The following ADARB2 variants were observed in gnomAD, a reference collection of about 807,000 sequenced individuals.
ADARB2 encodes the protein adenosine deaminase RNA specific B2 (inactive).
A neutral mutation model predicts 62.2 loss-of-function variants in ADARB2; 25 were observed. The ratio of observed to expected loss-of-function variants is 0.40; its 90% CI spans 0.29 to 0.56. ADARB2 has a LOEUF of 0.56. ADARB2 is among the 20% of genes least tolerant of loss of function. The pLI is 0.43. For missense variants in ADARB2, 1,071 were observed against 1,077.4 expected, an observed-to-expected ratio of 0.99 and a Z score of 0.08; for synonymous variants, 572 against 500.8, an observed-to-expected ratio of 1.14 and a Z score of -1.90.
Position 1,288,273 on chromosome 10 carries a change from C to A in ADARB2, c.1078-17204G>T, listed in dbSNP as rs144114095. On this transcript the variant is annotated intron_variant, in intron 3 of 9. Transcript: ENST00000381312. Reference sequence around the variant, plus strand: ...TGCAAGGCACTGATGAAATACAGGGCAAAATAAGACAAGGTCCTCTACATA... The same window carrying A: ...TGCAAGGCACTGATGAAATACAGGGAAAAATAAGACAAGGTCCTCTACATA... Among the ~76,000 whole-genome samples, 272 of 152,306 alleles carry A rather than the reference C, an allele frequency of 1.8e-3. 1 individual carries two copies. The highest frequency in any genetic ancestry group is 5.9e-3 in the African/African-American group (244 of 41,568).
At chr10:1,265,917 C>T (rs1406839654) in intron 4 of ADARB2, among the ~76,000 whole-genome samples, 4 of 113,288 alleles carry the variant, frequency 3.5e-5, no homozygotes, top group African/African-American at 1.0e-4. Context: ...ACGGCCTGAG[C>T]CAGGTCCACG....
At chr10:1,653,576 C>T (rs775758347) in intron 1 of ADARB2, among the ~76,000 whole-genome samples, 83 of 141,694 alleles carry the variant, frequency 5.9e-4, no homozygotes, top group African/African-American at 2.1e-3. Flanking sequence ...CCCCACGCCT[C>T]ATGTGCCTGC....
intron 1 of ADARB2, among the ~76,000 whole-genome samples, chr10:1,463,427 G>A (rs1831203894): frequency 1.3e-5 from 2 of 152,208 alleles, no homozygotes; most frequent in African/African-American, 4.8e-5. Flanking sequence ...TGCAGATGCA[G>A]ACACGGGTAG....
intron 1 of ADARB2, among the ~76,000 whole-genome samples, chr10:1,548,653 G>A (rs553480230): frequency 1.2e-4 from 18 of 152,344 alleles, no homozygotes; most frequent in Middle Eastern, 3.4e-3. Flanking sequence ...GTGAATTGCC[G>A]TCCAGTAAGT....
At chr10:1,609,739 C>G (rs1457031952) in intron 1 of ADARB2, among the ~76,000 whole-genome samples, 1 of 152,248 alleles carries the variant, frequency 6.6e-6, no homozygotes, top group East Asian at 1.9e-4. Context: ...AACCCACACA[C>G]TGGGCTCTAC....
At chr10:1,288,917 T>C (rs1831438669) in intron 3 of ADARB2, among the ~76,000 whole-genome samples, 1 of 152,224 alleles carries the variant, frequency 6.6e-6, no homozygotes, top group African/African-American at 2.4e-5. Context: ...TGGACCCCTC[T>C]TCTCAGCCAA....
chr10:1,538,622 G>T (rs1003130567), intron 1 of ADARB2, among the ~76,000 whole-genome samples: 4 of 152,218 alleles, frequency 2.6e-5, no homozygotes, highest in African/African-American at 9.6e-5. Context: ...TGGGCATCAC[G>T]TGGTGGACGG....
At chr10:1,581,826 ATGTGTGTG>A (rs56180704) in intron 1 of ADARB2, among the ~76,000 whole-genome samples, 65,264 of 147,874 alleles carry the variant, frequency 0.44, 14,750 homozygotes, top group East Asian at 0.61. Context: ...TTAGAAATAG[ATGTGTGTG>A]TGTGTGTGTG....
chr10:1,479,304 T>C (rs1170106419), intron 1 of ADARB2, among the ~76,000 whole-genome samples: 1 of 152,162 alleles, frequency 6.6e-6, no homozygotes, highest in African/African-American at 2.4e-5. Flanking sequence ...GAAGCCCTGA[T>C]GTGTGACAGG....
In ADARB2 at chr10:1,717,689, C is replaced by T. The variant is rs144741656; in HGVS notation, c.100+19362G>A. Among the ~76,000 whole-genome samples, 1,135 of 151,978 alleles carry T rather than the reference C, an allele frequency of 7.5e-3. 18 individuals carry two copies. Among genetic ancestry groups the T allele is most frequent in the African/African-American group, 0.026 (1,077 of 41,440 alleles). On this transcript the variant is annotated intron_variant, in intron 1 of 9. Transcript: ENST00000381312. ...TCCTCCCGGGTTCAGGAGATTCTCC[C>T]GCCCCAGACTCCCGAGTAGCTGGGA...
At chr10:1,256,124 T>C (rs941565096) in intron 4 of ADARB2, among the ~76,000 whole-genome samples, 2 of 152,160 alleles carry the variant, frequency 1.3e-5, no homozygotes, top group Non-Finnish European at 2.9e-5. Context: ...AAGAGGGACT[T>C]GAAGCTCCAG....
chr10:1,536,086 A>G (rs1832328627), intron 1 of ADARB2, among the ~76,000 whole-genome samples: 1 of 152,132 alleles, frequency 6.6e-6, no homozygotes, highest in Non-Finnish European at 1.5e-5. Flanking sequence ...AGAGTGCCCA[A>G]GCTCCTGGCA....
chr10:1,399,487 G>A (rs1332036520), intron 1 of ADARB2, among the ~76,000 whole-genome samples: 1 of 151,634 alleles, frequency 6.6e-6, no homozygotes, highest in Non-Finnish European at 1.5e-5. Context: ...CCACCTTTCC[G>A]ACTGAAGCTC....
chr10:1,667,765 A>G (rs1255734873), intron 1 of ADARB2, among the ~76,000 whole-genome samples: 1 of 152,240 alleles, frequency 6.6e-6, no homozygotes, highest in African/African-American at 2.4e-5. Context: ...TGGGTTACTC[A>G]TAGTGATTTC....
chr10:1,521,505 T>A (rs578070111), intron 1 of ADARB2, among the ~76,000 whole-genome samples: 1 of 152,242 alleles, frequency 6.6e-6, no homozygotes, highest in Non-Finnish European at 1.5e-5. Context: ...TGAGGCAATG[T>A]TGGGAAGTCG....
intron 3 of ADARB2, among the ~76,000 whole-genome samples, chr10:1,352,610 CT>C (rs1178216109): frequency 3.9e-5 from 6 of 152,232 alleles, no homozygotes; most frequent in Non-Finnish European, 7.3e-5. Context: ...TGCCTTAATA[CT>C]TTTAGAGGCC....
intron 5 of ADARB2, among the ~76,000 whole-genome samples, chr10:1,237,857 C>T (rs1199446401): frequency 3.7e-4 from 5 of 13,454 alleles, no homozygotes; most frequent in African/African-American, 2.1e-3. Context: ...CTCCCCTCTG[C>T]CTCCCGGTGT....
chr10:1,372,849 C>T (rs1470740528), intron 2 of ADARB2, among the ~76,000 whole-genome samples: 4 of 152,140 alleles, frequency 2.6e-5, no homozygotes. Context: ...CTGCAAGAAA[C>T]TCATATGCTT....
intron 3 of ADARB2, among the ~76,000 whole-genome samples, chr10:1,359,068 A>T (rs1832224694): frequency 6.6e-6 from 1 of 152,192 alleles, no homozygotes; most frequent in South Asian, 2.1e-4. Flanking sequence ...TTGTGATTTT[A>T]TCATTTTTTA....
Sources: gnomAD v4.1 joint callset for allele counts (sites outside exome capture counted in the v4.1 genomes callset) on GRCh38, gnomAD v4.1.1 for gene constraint, MANE v1.5 for transcripts, NCBI Gene and HGNC (gene_info 2026-07-23, HGNC 2026-07-21) for gene names.